Variants in SH3RF3 observed in about 807,000 individuals in gnomAD.
The protein encoded by SH3RF3 is SH3 domain containing ring finger 3.
In SH3RF3, 29 loss-of-function variants were observed where a neutral mutation model predicts 66.3. The observed-to-expected ratio is 0.44, with a 90% CI of 0.33 to 0.60. SH3RF3 has a LOEUF of 0.60. Ranked by LOEUF, SH3RF3 falls within the 20% of genes least tolerant of loss-of-function variation. SH3RF3 has a pLI of 0.04. For synonymous variants in SH3RF3, 583 were observed against 532.0 expected, an observed-to-expected ratio of 1.10 and a Z score of -1.32; for missense variants, 1,194 against 1,190.9, an observed-to-expected ratio of 1.00 and a Z score of -0.04.
At chr2:109,396,862 G>A (rs913019563) in intron 3 of SH3RF3, among the ~76,000 whole-genome samples, 3 of 152,364 alleles carry the variant, frequency 2.0e-5, no homozygotes, top group African/African-American at 7.2e-5. Context: ...CGGCTCACAT[G>A]GTCCTTCACT....
chr2:109,129,941 G>C lies in SH3RF3; in HGVS notation c.401G>C (p.Ser134Thr). ...CGCGCGGGCACCAGCCCCGGCGGCA[G>C]CCCGCCCGCGCGTCCCATCCCAGGC... is the stretch of plus-strand genomic sequence containing the variant. ...RPRAGTSPGG[S>T]PPARPIPGQS... Residue 134 changes from serine to threonine, a missense_variant, in exon 1 of 10, where the codon AGC (serine) becomes ACC (threonine). Transcript: ENST00000309415. 1 of 1,472,712 alleles carries C rather than the reference G, an allele frequency of 6.8e-7. No individual in the cohort carries two copies. The highest frequency in any genetic ancestry group is 8.9e-7 in the Non-Finnish European group (1 of 1,118,996). The allele number at this position is 1,472,712 out of a possible 1,614,324, so 91.2% of individuals were successfully genotyped here.
At chr2:109,153,280 T>A (rs777163295) in intron 1 of SH3RF3, among the ~76,000 whole-genome samples, 1 of 152,238 alleles carries the variant, frequency 6.6e-6, no homozygotes, top group Non-Finnish European at 1.5e-5. Flanking sequence ...TGTAGGTGTT[T>A]AAGCTGTCAC....
intron 7 of SH3RF3, among the ~76,000 whole-genome samples, chr2:109,444,089 A>G (rs115223157): frequency 0.021 from 3,234 of 152,334 alleles, 57 homozygotes; most frequent in South Asian, 0.049. Context: ...ATTAATACAA[A>G]TAATAACAAA....
At chr2:109,288,305 T>G (rs1681085645) in intron 1 of SH3RF3, among the ~76,000 whole-genome samples, 1 of 152,224 alleles carries the variant, frequency 6.6e-6, no homozygotes, top group Non-Finnish European at 1.5e-5. Context: ...TTCAGAGTTA[T>G]TGCAGGCATG....
At position 109,129,594 on chromosome 2, in the gene SH3RF3, G is replaced by T. The variant is rs1238402088; in HGVS notation, c.54G>T (p.Ala18=). Reference sequence around the variant, plus strand: ...CATCCAAGGCGGCCGCCGCTGCTGCGCAGAGCGAGGGCGACGAGGACAGGC... The same window carrying T: ...CATCCAAGGCGGCCGCCGCTGCTGCTCAGAGCGAGGGCGACGAGGACAGGC... ...LCASKAAAAA[A]QSEGDEDRPG... is the part of the protein sequence containing the mutation. Residue 18 remains alanine (A), a synonymous_variant, in exon 1 of 10, where the codon GCG becomes GCT. Coordinates refer to ENST00000309415, the MANE Select transcript of SH3RF3 (RefSeq NM_001099289.3). 2.7e-5 allele frequency: 40 copies of T among 1,483,376 alleles called. No homozygotes were observed. The highest frequency in any genetic ancestry group is 3.3e-5 in the Non-Finnish European group (37 of 1,125,728). 91.9% of individuals were successfully genotyped at this position (1,483,376 alleles called of 1,614,324 possible).
intron 1 of SH3RF3, among the ~76,000 whole-genome samples, chr2:109,195,047 G>A (rs1307207179): frequency 6.6e-6 from 1 of 152,186 alleles, no homozygotes. Flanking sequence ...GGGGAAGATG[G>A]TGTTTAAAAG....
intron 4 of SH3RF3, among the ~76,000 whole-genome samples, chr2:109,404,790 C>T (rs538182837): frequency 2.6e-5 from 4 of 152,166 alleles, no homozygotes; most frequent in Non-Finnish European, 4.4e-5. Context: ...TTGCCCACCA[C>T]CCCTGCTGCT....
intron 7 of SH3RF3, among the ~76,000 whole-genome samples, chr2:109,448,832 G>T (rs1334936405): frequency 6.6e-6 from 1 of 152,186 alleles, no homozygotes; most frequent in Non-Finnish European, 1.5e-5. Flanking sequence ...TGCCAAAATG[G>T]TTGGGGACCG....
chr2:109,461,890 A>G (rs1678216077), intron 8 of SH3RF3, among the ~76,000 whole-genome samples: 1 of 152,138 alleles, frequency 6.6e-6, no homozygotes, highest in African/African-American at 2.4e-5. Context: ...TAATACACCC[A>G]TCTGAGGAGG....
intron 1 of SH3RF3, among the ~76,000 whole-genome samples, chr2:109,316,154 G>A (rs966867784): frequency 6.6e-6 from 1 of 152,224 alleles, no homozygotes; most frequent in Non-Finnish European, 1.5e-5. Flanking sequence ...TGGAGGAGGT[G>A]TTCAGAGCTG....
intron 9 of SH3RF3, among the ~76,000 whole-genome samples, chr2:109,500,155 G>A (rs1195347137): frequency 2.0e-5 from 3 of 152,176 alleles, no homozygotes; most frequent in African/African-American, 7.2e-5. Context: ...ACTTTAAAGG[G>A]GACTGGGGTC....
intron 1 of SH3RF3, among the ~76,000 whole-genome samples, chr2:109,211,198 G>T (rs533226905): frequency 6.6e-6 from 1 of 152,346 alleles, no homozygotes; most frequent in African/African-American, 2.4e-5. Context: ...GGTGGGGGCT[G>T]CTCCTTGGCT....
intron 1 of SH3RF3, among the ~76,000 whole-genome samples, chr2:109,332,260 G>T (rs1682305358): frequency 6.6e-6 from 1 of 152,130 alleles, no homozygotes; most frequent in African/African-American, 2.4e-5. Context: ...ACAACCTGCT[G>T]ATCCGTCTGT....
At chr2:109,475,248 A>G (rs1171699463) in intron 8 of SH3RF3, among the ~76,000 whole-genome samples, 1 of 152,174 alleles carries the variant, frequency 6.6e-6, no homozygotes, top group Admixed American at 6.5e-5. Flanking sequence ...AAGTGCTAGG[A>G]TTACAGGCGT....
At chr2:109,277,742 C>A (rs1455190904) in intron 1 of SH3RF3, among the ~76,000 whole-genome samples, 4 of 152,202 alleles carry the variant, frequency 2.6e-5, no homozygotes, top group African/African-American at 7.2e-5. Context: ...ACAAGCGTGG[C>A]TGTGGGTGGA....
chr2:109,270,077 G>A (rs1680589375), intron 1 of SH3RF3, among the ~76,000 whole-genome samples: 1 of 152,240 alleles, frequency 6.6e-6, no homozygotes, highest in African/African-American at 2.4e-5. Context: ...GAGCTTGGCT[G>A]CCGTGGGGCA....
chr2:109,287,535 TG>T (rs1182673742), intron 1 of SH3RF3, among the ~76,000 whole-genome samples: 1 of 152,180 alleles, frequency 6.6e-6, no homozygotes, highest in East Asian at 1.9e-4. Flanking sequence ...CCATGCACCC[TG>T]CAGAGCCACC....
At chr2:109,236,466 T>A (rs576660166) in intron 1 of SH3RF3, among the ~76,000 whole-genome samples, 2 of 152,310 alleles carry the variant, frequency 1.3e-5, no homozygotes, top group African/African-American at 4.8e-5. Context: ...GTGAGCCGTG[T>A]TTTTTAGGAA....
chr2:109,474,669 T>C (rs1271077209), intron 8 of SH3RF3, among the ~76,000 whole-genome samples: 2 of 152,218 alleles, frequency 1.3e-5, no homozygotes, highest in Non-Finnish European at 2.9e-5. Context: ...CTGGACAGCA[T>C]CGGGCCAGCC....
Sources: gnomAD v4.1 joint callset for allele counts (sites outside exome capture counted in the v4.1 genomes callset) on GRCh38, gnomAD v4.1.1 for gene constraint, MANE v1.5 for transcripts, NCBI Gene and HGNC (gene_info 2026-07-23, HGNC 2026-07-21) for gene names.